CDYL: variants seen among roughly 807,000 people sequenced by gnomAD.
CDYL encodes chromodomain Y like.
A neutral mutation model predicts 47.3 loss-of-function variants in CDYL; 8 were observed. The observed-to-expected ratio is 0.17, with a 90% CI of 0.10 to 0.31. CDYL has a LOEUF of 0.31. Among genes scored for constraint, CDYL ranks in the 10% least tolerant of loss-of-function variants. The pLI is 1.00. For missense variants in CDYL, 471 were observed against 701.4 expected, an observed-to-expected ratio of 0.67 and a Z score of 3.71; for synonymous variants, 266 against 265.0, an observed-to-expected ratio of 1.00 and a Z score of -0.04.
intron 1 of CDYL, among the ~76,000 whole-genome samples, chr6:4,713,447 C>A (rs370838513): frequency 6.6e-6 from 1 of 152,066 alleles, no homozygotes; most frequent in African/African-American, 2.4e-5. Flanking sequence ...GTGAAACTGA[C>A]GAAAAGTCAA....
At chr6:4,846,665 G>A (rs980011407) in intron 1 of CDYL, among the ~76,000 whole-genome samples, 5 of 152,042 alleles carry the variant, frequency 3.3e-5, no homozygotes, top group African/African-American at 1.2e-4. Flanking sequence ...TGTGTGTCTT[G>A]CATGCTACTA....
At chr6:4,940,471 G>A (rs1232781459) in intron 4 of CDYL, among the ~76,000 whole-genome samples, 3 of 152,156 alleles carry the variant, frequency 2.0e-5, no homozygotes, top group African/African-American at 7.2e-5. Flanking sequence ...GGACTTCATC[G>A]TAGCAAGTTT....
chr6:4,807,024 G>A (rs1561646817), intron 1 of CDYL, among the ~76,000 whole-genome samples: 1 of 152,164 alleles, frequency 6.6e-6, no homozygotes, highest in African/African-American at 2.4e-5. Flanking sequence ...GTCCTCACAC[G>A]CTCTTTCCTC....
At chr6:4,839,851 G>A (rs1190719666) in intron 1 of CDYL, among the ~76,000 whole-genome samples, 1 of 152,152 alleles carries the variant, frequency 6.6e-6, no homozygotes, top group Non-Finnish European at 1.5e-5. Context: ...GTTGGGTAAT[G>A]TGATTCCTCC....
chr6:4,809,230 T>C (rs1028221769), intron 1 of CDYL, among the ~76,000 whole-genome samples: 2 of 152,210 alleles, frequency 1.3e-5, no homozygotes, highest in Non-Finnish European at 2.9e-5. Flanking sequence ...TTTTCACTTA[T>C]CAATATGTCT....
At chr6:4,773,078 G>A (rs1758361399), upstream of CDYL, 1 of 456,492 alleles carries the variant, frequency 2.2e-6, no homozygotes, top group Admixed American at 2.4e-5. The surrounding 1 kb of genome is among the most constrained non-coding windows in gnomAD (Gnocchi z 4.6). Context: ...TTGATCTGAA[G>A]AGTCTTATCG....
At chr6:4,897,797 T>TTTGTTTTTG (rs760912069) in intron 2 of CDYL, among the ~76,000 whole-genome samples, 5 of 151,254 alleles carry the variant, frequency 3.3e-5, no homozygotes, top group South Asian at 2.1e-4. Flanking sequence ...TTTGTTTTTT[T>TTTGTTTTTG]TTTTTAAATT....
At chr6:4,905,038 G>C (rs1156975669) in intron 2 of CDYL, among the ~76,000 whole-genome samples, 1 of 152,194 alleles carries the variant, frequency 6.6e-6, no homozygotes, top group Non-Finnish European at 1.5e-5. Context: ...CACTGCCCCA[G>C]ACGGCCCAGT....
chr6:4,837,148 C>T (rs1404981264), intron 1 of CDYL, among the ~76,000 whole-genome samples: 1 of 152,226 alleles, frequency 6.6e-6, no homozygotes, highest in African/African-American at 2.4e-5. Context: ...GTGGGTATTA[C>T]ATGTTCAGGG....
chr6:4,767,333 G>A (rs773907550), intron 3 of CDYL, among the ~76,000 whole-genome samples: 16 of 151,946 alleles, frequency 1.1e-4, no homozygotes, highest in Non-Finnish European at 1.8e-4. Flanking sequence ...CTAGCACTTC[G>A]GGAGGCTGAG....
At chr6:4,936,077 C>T (rs767070716) in intron 3 of CDYL, among the ~76,000 whole-genome samples, 84 of 152,318 alleles carry the variant, frequency 5.5e-4, no homozygotes, top group South Asian at 1.2e-3. Flanking sequence ...CTTCATCTGG[C>T]GGGCACGGGG....
At chr6:4,896,919 C>T (rs1212122072) in intron 2 of CDYL, among the ~76,000 whole-genome samples, 1 of 152,168 alleles carries the variant, frequency 6.6e-6, no homozygotes, top group East Asian at 1.9e-4. Flanking sequence ...AGTATTTTCA[C>T]ACACACTCAC....
At chr6:4,776,045 C>A (rs1373448414), upstream of CDYL, among the ~76,000 whole-genome samples, 1 of 150,430 alleles carries the variant, frequency 6.6e-6, no homozygotes, top group Non-Finnish European at 1.5e-5. Flanking sequence ...CCAGGTCCCG[C>A]CTGCCCTGGG....
At chr6:4,943,850 T>A in intron 5 of CDYL, 94 bp downstream of exon 5, 1 of 882,488 alleles carries the variant, frequency 1.1e-6, no homozygotes, top group Non-Finnish European at 1.7e-6. Context: ...AGCTGTACAG[T>A]GTGTCATTCT....
intron 2 of CDYL, among the ~76,000 whole-genome samples, chr6:4,728,668 G>A (rs899989186): frequency 6.6e-5 from 10 of 152,162 alleles, no homozygotes; most frequent in South Asian, 2.1e-4. Context: ...GACACTTGTC[G>A]AGGAATTCCA....
chr6:4,759,708 G>A (rs538992056), intron 3 of CDYL, among the ~76,000 whole-genome samples: 2 of 150,804 alleles, frequency 1.3e-5, no homozygotes, highest in Admixed American at 6.6e-5. Context: ...GTGAATCCTC[G>A]TCTCTACTTA....
At chr6:4,877,290 G>C (rs528603423) in intron 1 of CDYL, among the ~76,000 whole-genome samples, 1 of 152,144 alleles carries the variant, frequency 6.6e-6, no homozygotes, top group African/African-American at 2.4e-5. Flanking sequence ...CTCACAATCT[G>C]TCCCCGTCAA....
intron 2 of CDYL, among the ~76,000 whole-genome samples, chr6:4,914,994 C>T (rs1443620646): frequency 2.0e-5 from 3 of 152,190 alleles, no homozygotes; most frequent in Non-Finnish European, 4.4e-5. Context: ...ATTCACTGTG[C>T]CCTGCCTGTG....
At chr6:4,778,780 C>G (rs9504250) in intron 1 of CDYL, among the ~76,000 whole-genome samples, 1 of 152,142 alleles carries the variant, frequency 6.6e-6, no homozygotes, top group Non-Finnish European at 1.5e-5. Flanking sequence ...TGTAACTTTT[C>G]TTTTACTTGT....
Sources: allele counts gnomAD v4.1 joint callset (sites outside exome capture counted in the v4.1 genomes callset), GRCh38; gene constraint gnomAD v4.1.1; non-coding constraint Gnocchi (gnomAD v3.1); transcripts MANE v1.5; gene names NCBI Gene and HGNC (gene_info 2026-07-23, HGNC 2026-07-21).